The following PAPPA2 variants were observed in gnomAD, a reference collection of about 807,000 sequenced individuals.
PAPPA2 encodes pappalysin 2.
A neutral mutation model predicts 176.4 loss-of-function variants in PAPPA2; 86 were observed. The observed-to-expected ratio is 0.49, with a 90% CI of 0.41 to 0.58. The LOEUF is 0.58. Ranked by LOEUF, PAPPA2 falls within the 20% of genes least tolerant of loss-of-function variation. The probability of loss-of-function intolerance (pLI) is 0.00; values close to 1 mark genes in which losing one functional copy is unlikely to be tolerated. For synonymous variants in PAPPA2, 809 were observed against 852.2 expected (o/e 0.95, Z 0.88); for missense variants, 2,073 against 2,256.9 (o/e 0.92, Z 1.65).
At chr1:176,575,316 C>T (rs974108327) in intron 2 of PAPPA2, among the ~76,000 whole-genome samples, 3 of 152,224 alleles carry the variant, frequency 2.0e-5, no homozygotes, top group Admixed American at 2.0e-4. Context: ...TATTTATCTA[C>T]GTTTGTCCTC....
chr1:176,594,473 C>G, intron 2 of PAPPA2, 51 bp from the exon 3 acceptor site: 1 of 1,457,294 alleles, frequency 6.9e-7, no homozygotes, highest in Non-Finnish European at 9.4e-7. Flanking sequence ...TTCTCCATTC[C>G]CCTTTGTATC....
intron 1 of PAPPA2, among the ~76,000 whole-genome samples, chr1:176,465,261 A>G (rs1323706921): frequency 6.6e-6 from 1 of 152,184 alleles, no homozygotes; most frequent in Non-Finnish European, 1.5e-5. Flanking sequence ...CTTAGGATAC[A>G]CTTCAAAAAG....
At chr1:176,502,544 C>T (rs916013303) in intron 1 of PAPPA2, among the ~76,000 whole-genome samples, 13 of 152,074 alleles carry the variant, frequency 8.5e-5, no homozygotes, top group Non-Finnish European at 1.8e-4. Flanking sequence ...GTGTCTTGCT[C>T]CACCCTTGAA....
In PAPPA2 at chr1:176,594,876, C is replaced by T. The variant is rs747949946; in HGVS notation, c.1272C>T (p.Gly424=). 2.5e-6 allele frequency: 4 copies of T among 1,614,220 alleles called. No homozygotes were observed. The East Asian group carries it at 6.7e-5, about 27-fold the overall frequency. ...EDGHYFRGHL[G]TLVFWSTALP... ...GGCACTATTTCCGTGGACACCTGGG[C>T]ACACTGGTTTTCTGGTCGACCGCCC... Residue 424 remains glycine, a synonymous_variant, in exon 3 of 23, where the codon GGC becomes GGT. Coordinates refer to ENST00000367662, the MANE Select transcript of PAPPA2 (RefSeq NM_020318.3).
chr1:176,808,422 G>T (rs1320781637), intron 21 of PAPPA2, among the ~76,000 whole-genome samples: 1 of 152,160 alleles, frequency 6.6e-6, no homozygotes, highest in Non-Finnish European at 1.5e-5. Context: ...TCTTCCAGTG[G>T]TTCTCAAATA....
chr1:176,646,020 T>C (rs1055370758), intron 3 of PAPPA2, among the ~76,000 whole-genome samples: 4 of 151,756 alleles, frequency 2.6e-5, no homozygotes, highest in African/African-American at 9.7e-5. Flanking sequence ...TTTGCAAATA[T>C]TTTCTTTCAT....
chr1:176,621,942 T>C (rs1655623669), intron 3 of PAPPA2, among the ~76,000 whole-genome samples: 1 of 152,234 alleles, frequency 6.6e-6, no homozygotes, highest in Admixed American at 6.5e-5. Flanking sequence ...ATACTTAAAT[T>C]TGAAATATTT....
intron 17 of PAPPA2, among the ~76,000 whole-genome samples, chr1:176,784,281 C>T (rs1664837252): frequency 1.3e-5 from 2 of 152,146 alleles, no homozygotes; most frequent in African/African-American, 4.8e-5. Context: ...TTCAAGGAGT[C>T]GTTTGGTTCC....
chr1:176,712,137 C>G (rs796123253), intron 12 of PAPPA2, among the ~76,000 whole-genome samples, 156 bp downstream of exon 12: 8 of 152,124 alleles, frequency 5.3e-5, no homozygotes, highest in African/African-American at 1.9e-4. Flanking sequence ...TTATTTTCAC[C>G]TCTCTGTATT....
intron 4 of PAPPA2, among the ~76,000 whole-genome samples, chr1:176,685,250 G>A (rs1659783073): frequency 6.6e-6 from 1 of 152,070 alleles, no homozygotes; most frequent in South Asian, 2.1e-4. Flanking sequence ...TTATTTATTT[G>A]CCTTACTACT....
intron 20 of PAPPA2, among the ~76,000 whole-genome samples, chr1:176,799,357 G>A (rs1032168475): frequency 6.6e-6 from 1 of 152,262 alleles, no homozygotes; most frequent in South Asian, 2.1e-4. Flanking sequence ...TCTGGAAATG[G>A]CCATCAGGAA....
At chr1:176,508,896 A>C (rs1174784465) in intron 1 of PAPPA2, among the ~76,000 whole-genome samples, 1 of 152,148 alleles carries the variant, frequency 6.6e-6, no homozygotes, top group African/African-American at 2.4e-5. Context: ...TTCCTCAGCC[A>C]TGTGGAACTG....
intron 1 of PAPPA2, among the ~76,000 whole-genome samples, chr1:176,492,781 T>C (rs1245670638): frequency 6.6e-6 from 1 of 152,212 alleles, no homozygotes; most frequent in Non-Finnish European, 1.5e-5. Flanking sequence ...CTTAATGGTT[T>C]CCAAAGCATT....
intron 3 of PAPPA2, among the ~76,000 whole-genome samples, chr1:176,652,681 C>G (rs1657798413): frequency 6.6e-6 from 1 of 151,690 alleles, no homozygotes; most frequent in South Asian, 2.1e-4. Context: ...GGATGTTTCT[C>G]CCTTCAGTCA....
chr1:176,469,295 G>T (rs1651768391), intron 1 of PAPPA2, among the ~76,000 whole-genome samples: 1 of 152,098 alleles, frequency 6.6e-6, no homozygotes, highest in South Asian at 2.1e-4. Flanking sequence ...TCACTCTGTG[G>T]TACCTATTAA....
chr1:176,800,515 T>C (rs1031099626), intron 21 of PAPPA2, among the ~76,000 whole-genome samples: 2 of 152,222 alleles, frequency 1.3e-5, no homozygotes, highest in Non-Finnish European at 2.9e-5. Flanking sequence ...ATTTTCTTTT[T>C]GGTTGCCAAT....
chr1:176,751,396 G>A (rs1663167632), intron 14 of PAPPA2, among the ~76,000 whole-genome samples: 1 of 134,524 alleles, frequency 7.4e-6, no homozygotes, highest in Non-Finnish European at 1.6e-5. Context: ...CCATCAGAGT[G>A]AACAGGCAAC....
chr1:176,577,864 C>T (rs930098624), intron 2 of PAPPA2, among the ~76,000 whole-genome samples: 1 of 152,090 alleles, frequency 6.6e-6, no homozygotes, highest in Non-Finnish European at 1.5e-5. Flanking sequence ...CATTTTCCTC[C>T]TAAAAACAAA....
chr1:176,686,685 A>C (rs899586571), intron 4 of PAPPA2, among the ~76,000 whole-genome samples: 4 of 152,196 alleles, frequency 2.6e-5, no homozygotes. Flanking sequence ...TGCAAGGCAG[A>C]GGCAGTGACA....
Sources: gnomAD v4.1 joint callset for allele counts (sites outside exome capture counted in the v4.1 genomes callset) on GRCh38, gnomAD v4.1.1 for gene constraint, MANE v1.5 for transcripts, NCBI Gene and HGNC (gene_info 2026-07-23, HGNC 2026-07-21) for gene names.